PDE1C: variants seen among roughly 807,000 people sequenced by gnomAD.
PDE1C encodes the protein dual specificity calcium/calmodulin-dependent 3',5'-cyclic nucleotide phosphodiesterase 1C.
Under a neutral mutation model 93.1 loss-of-function variants are expected in PDE1C, and 62 were observed. The ratio of observed to expected loss-of-function variants is 0.67; its 90% CI spans 0.54 to 0.82. The LOEUF is 0.82. Ranked by LOEUF, PDE1C falls within the 40% of genes least tolerant of loss-of-function variation. The probability of loss-of-function intolerance (pLI) is 0.00; values close to 1 mark genes in which losing one functional copy is unlikely to be tolerated. For synonymous variants in PDE1C, 325 were observed against 310.1 expected (o/e 1.05, Z -0.50); for missense variants, 742 against 884.6 (o/e 0.84, Z 2.04).
intron 2 of PDE1C, among the ~76,000 whole-genome samples, chr7:31,885,867 C>T (rs1797801575): frequency 6.6e-6 from 1 of 152,198 alleles, no homozygotes; most frequent in Admixed American, 6.5e-5. Context: ...GCCTTGAAAA[C>T]ATATACATTT....
rs577955565 is a variant in PDE1C, at chr7:31,896,496, C to G, written c.129-15636G>C. Among the ~76,000 whole-genome samples the G allele has an allele frequency of 2.0e-5, 3 of 152,226 alleles. No individual in the cohort carries two copies. The East Asian group carries it at 5.8e-4, about 29-fold the overall frequency. On this transcript the variant is annotated intron_variant, in intron 2 of 17. Transcript: ENST00000396191. ...ACAGCTAGCCTTGTTGAATATACTC[C>G]CCAGAAAGCTTTCTTTAGCCTTCTT...
chr7:31,805,101 C>A (rs142901946), intron 16 of PDE1C, among the ~76,000 whole-genome samples: 1 of 151,822 alleles, frequency 6.6e-6, no homozygotes, highest in East Asian at 2.0e-4. Context: ...TTCTTGTCTG[C>A]CACCACGTAA....
chr7:32,052,215 C>T, intron 1 of PDE1C: 1 of 451,018 alleles, frequency 2.2e-6, no homozygotes, highest in South Asian at 1.6e-5. Context: ...TGAGAACCAG[C>T]ATTAGGAACC....
intron 1 of PDE1C, among the ~76,000 whole-genome samples, chr7:32,370,145 C>T (rs1385001574): frequency 1.3e-5 from 2 of 152,158 alleles, no homozygotes; most frequent in Non-Finnish European, 2.9e-5. Context: ...GAATACTATG[C>T]AGCCATAAAA....
chr7:32,201,492 C>A (rs1016954778), intron 2 of PDE1C, among the ~76,000 whole-genome samples: 4 of 152,148 alleles, frequency 2.6e-5, no homozygotes, highest in African/African-American at 7.2e-5. Flanking sequence ...ATTAAGGGAG[C>A]AGAAACTGGT....
intron 7 of PDE1C, among the ~76,000 whole-genome samples, chr7:31,853,878 A>ATTTTTTTTTTTT (rs60293827): frequency 8.0e-6 from 1 of 124,534 alleles, no homozygotes; most frequent in African/African-American, 3.0e-5. Flanking sequence ...ATGCCCAGCT[A>ATTTTTTTTTTTT]TTTTTTTTTT....
chr7:31,755,857 A>G (rs1337758556), intron 17 of PDE1C, among the ~76,000 whole-genome samples: 1 of 152,184 alleles, frequency 6.6e-6, no homozygotes, highest in Non-Finnish European at 1.5e-5. Flanking sequence ...ACATCCTTCC[A>G]AAAAGTACAG....
chr7:31,685,523 A>G, the PDE1C span, among the ~76,000 whole-genome samples: 1 of 152,212 alleles, frequency 6.6e-6, no homozygotes, highest in African/African-American at 2.4e-5. Flanking sequence ...AGGAAAGTAT[A>G]TCTTTTCCAC....
rs1789265110 is a variant in PDE1C, at chr7:31,823,509, T to C, written c.1407-261A>G. Among the ~76,000 whole-genome samples, 4 of 152,256 alleles carry C rather than the reference T, an allele frequency of 2.6e-5. No individual in the cohort carries two copies. The South Asian group carries it at 8.3e-4, about 32-fold the overall frequency. On this transcript the variant is annotated intron_variant, in intron 13 of 17. Transcript: ENST00000396191. ...TTCTTTGCTATTTGGCCTCTTCTTT[T>C]TTCCCCATAACCAGAATCCCCTCAT...
At chr7:31,920,442 T>A (rs1802463563) in intron 2 of PDE1C, among the ~76,000 whole-genome samples, 1 of 152,128 alleles carries the variant, frequency 6.6e-6, no homozygotes, top group Non-Finnish European at 1.5e-5. Context: ...AGGAGACATA[T>A]GCTCTTCATG....
the PDE1C span, chr7:31,642,732 G>T: frequency 6.2e-7 from 1 of 1,613,982 alleles, no homozygotes; most frequent in Non-Finnish European, 8.5e-7. Context: ...GAGGTAGAAA[G>T]CCAAGAGATC....
intron 2 of PDE1C, among the ~76,000 whole-genome samples, chr7:32,013,293 C>T (rs777995819): frequency 2.6e-5 from 4 of 152,158 alleles, no homozygotes; most frequent in African/African-American, 4.8e-5. Flanking sequence ...AATAACACTC[C>T]TTATGCACGT....
chr7:31,973,913 A>G (rs1038686253), intron 2 of PDE1C, among the ~76,000 whole-genome samples: 1 of 152,228 alleles, frequency 6.6e-6, no homozygotes, highest in Non-Finnish European at 1.5e-5. Context: ...ATAAAGAGAC[A>G]AGGAATAATC....
chr7:31,792,544 A>G (rs1784707456), intron 16 of PDE1C, among the ~76,000 whole-genome samples: 1 of 152,080 alleles, frequency 6.6e-6, no homozygotes, highest in African/African-American at 2.4e-5. Flanking sequence ...ATGTCAAAAT[A>G]TTTACATTCC....
At chr7:32,073,645 A>G (rs1195560957), upstream of PDE1C, among the ~76,000 whole-genome samples, 1 of 152,208 alleles carries the variant, frequency 6.6e-6, no homozygotes, top group African/African-American at 2.4e-5. Context: ...CCTAAACCAC[A>G]TTAGAAAACA....
chr7:31,715,341 C>T, the PDE1C span, among the ~76,000 whole-genome samples: 22 of 152,188 alleles, frequency 1.4e-4, no homozygotes, highest in Admixed American at 1.1e-3. Flanking sequence ...CAGATTCAAG[C>T]GATTCTCCTG....
chr7:31,735,514 C>T, the PDE1C span, among the ~76,000 whole-genome samples: 151,139 of 152,280 alleles, frequency 0.99, 75,009 homozygotes, highest in East Asian at 1. Context: ...GGCATCTATC[C>T]GCTGGGGTCA....
At chr7:32,087,814 A>C (rs1797197910) in intron 3 of PDE1C, among the ~76,000 whole-genome samples, 1 of 151,054 alleles carries the variant, frequency 6.6e-6, no homozygotes, top group Non-Finnish European at 1.5e-5. Context: ...AAACACATGG[A>C]CACAGGAAGG....
chr7:32,302,597 G>A (rs918112575), upstream of PDE1C, among the ~76,000 whole-genome samples: 3 of 152,212 alleles, frequency 2.0e-5, no homozygotes, highest in Non-Finnish European at 4.4e-5. Context: ...GATTTGCTCT[G>A]TGGATCTGAT....
Sources: gnomAD v4.1 joint callset for allele counts (sites outside exome capture counted in the v4.1 genomes callset) on GRCh38, gnomAD v4.1.1 for gene constraint, MANE v1.5 for transcripts, NCBI Gene and HGNC (gene_info 2026-07-23, HGNC 2026-07-21) for gene names.